The following ATCAY variants were observed in gnomAD, a reference collection of about 807,000 sequenced individuals.
ATCAY encodes caytaxin.
In ATCAY, 22 loss-of-function variants were observed where a neutral mutation model predicts 47.7. The ratio of observed to expected loss-of-function variants is 0.46; its 90% confidence interval spans 0.33 to 0.66. The LOEUF is 0.66. Ranked by LOEUF, ATCAY falls within the 30% of genes least tolerant of loss-of-function variation. ATCAY has a pLI of 0.02. For missense variants in ATCAY, 452 were observed against 515.0 expected, an observed-to-expected ratio of 0.88 and a Z score of 1.18; for synonymous variants, 216 against 207.6, an observed-to-expected ratio of 1.04 and a Z score of -0.35.
chr19:3,898,514 G>C (rs189758110), intron 2 of ATCAY, among the ~76,000 whole-genome samples: 1 of 152,312 alleles, frequency 6.6e-6, no homozygotes, highest in East Asian at 1.9e-4. Flanking sequence ...ATCACACACT[G>C]TGTGGCCTTT....
intron 2 of ATCAY, among the ~76,000 whole-genome samples, chr19:3,891,031 A>T (rs1465488243): frequency 6.7e-6 from 1 of 149,072 alleles, no homozygotes; most frequent in Non-Finnish European, 1.5e-5. Flanking sequence ...AGAGCCCTGC[A>T]TGGCCTCTGC....
chr19:3,886,694 CACTT>C (rs1387544023), intron 2 of ATCAY, among the ~76,000 whole-genome samples: 3 of 150,064 alleles, frequency 2.0e-5, no homozygotes, highest in African/African-American at 7.3e-5. Context: ...CTTTAGGAGA[CACTT>C]ACCTCCCCTA....
At chr19:3,884,016 G>A (rs1041806726) in intron 1 of ATCAY, among the ~76,000 whole-genome samples, 1 of 152,046 alleles carries the variant, frequency 6.6e-6, no homozygotes, top group Non-Finnish European at 1.5e-5. Flanking sequence ...AACTGGTGTG[G>A]GGGGTGGGGC....
At chr19:3,892,628 T>C (rs112405768) in intron 2 of ATCAY, among the ~76,000 whole-genome samples, 1 of 152,164 alleles carries the variant, frequency 6.6e-6, no homozygotes, top group African/African-American at 2.4e-5. Flanking sequence ...CCCTCAGGGC[T>C]GGGTGCGGTG....
chr19:3,915,628 T>G (rs1599145927), intron 9 of ATCAY, among the ~76,000 whole-genome samples: 1 of 148,646 alleles, frequency 6.7e-6, no homozygotes, highest in Admixed American at 6.7e-5. Context: ...CTCGGGTCAC[T>G]GCAACCTCCA....
intron 12 of ATCAY, among the ~76,000 whole-genome samples, chr19:3,921,897 A>AG (rs1457054862): frequency 6.8e-6 from 1 of 146,682 alleles, no homozygotes; most frequent in Non-Finnish European, 1.5e-5. Context: ...ACTCTGTTTA[A>AG]AAAAAAAAAA....
chr19:3,914,802 C>G (rs2038952849), intron 9 of ATCAY, among the ~76,000 whole-genome samples: 1 of 144,580 alleles, frequency 6.9e-6, no homozygotes, highest in South Asian at 2.3e-4. Context: ...GCCTGGGCAA[C>G]AAGAGTGAAA....
At chr19:3,901,814 G>A (rs1312530291) in intron 2 of ATCAY, among the ~76,000 whole-genome samples, 2 of 152,180 alleles carry the variant, frequency 1.3e-5, no homozygotes, top group East Asian at 3.9e-4. Context: ...GGCCAATATG[G>A]TGAAACCCCG....
chr19:3,900,396 C>G (rs921563251), intron 2 of ATCAY, among the ~76,000 whole-genome samples: 7 of 152,056 alleles, frequency 4.6e-5, no homozygotes, highest in Non-Finnish European at 1.0e-4. Context: ...CCATGTTGCC[C>G]AGGCTGGCCT....
rs2039051792 is a variant in ATCAY at position 3,924,696 on chromosome 19, C to A, written c.*104C>A. The A allele has an allele frequency of 3.9e-6, 5 of 1,297,828 alleles. No homozygotes were observed. Among genetic ancestry groups the A allele is most frequent in the South Asian group, 3.8e-5 (3 of 78,892 alleles). 80.4% of individuals were successfully genotyped at this position (1,297,828 alleles called of 1,614,324 possible). The stretch of plus-strand genomic sequence containing the variant: ...GATCTCATCCTGCCTCATCCTGAGT[C>A]CCAATCTTCCAAGGGTGCCAGCCCC... On this transcript the variant is annotated 3_prime_UTR_variant, in exon 13 of 13. Coordinates refer to ENST00000450849, the MANE Select transcript of ATCAY (RefSeq NM_033064.5).
At chr19:3,889,657 C>T (rs1011906063) in intron 2 of ATCAY, among the ~76,000 whole-genome samples, 6 of 152,080 alleles carry the variant, frequency 3.9e-5, no homozygotes, top group African/African-American at 1.4e-4. Context: ...AACAAAGGCG[C>T]ATAAGCTTTG....
chr19:3,885,746 C>T lies in ATCAY; in HGVS notation c.-22C>T. The stretch of plus-strand genomic sequence containing the variant: ...TTTCAGGGGTCATCCCTGCTTCAAG[C>T]CAGTGCCTCTTCCCAGCTCCCATGG... On this transcript the variant is annotated 5_prime_UTR_variant, in exon 2 of 13. Transcript: ENST00000450849. 6.5e-7 allele frequency: 1 copy of T among 1,549,580 alleles called. No individual in the cohort carries two copies. Among genetic ancestry groups the T allele is most frequent in the Non-Finnish European group, 8.7e-7 (1 of 1,145,866 alleles).
intron 9 of ATCAY, among the ~76,000 whole-genome samples, chr19:3,914,411 C>A (rs974954562): frequency 6.6e-6 from 1 of 151,876 alleles, no homozygotes; most frequent in Non-Finnish European, 1.5e-5. Context: ...CTCACTGTCG[C>A]GAGAATAGCA....
At chr19:3,895,098 T>C (rs1372449290) in intron 2 of ATCAY, 1 of 456,012 alleles carries the variant, frequency 2.2e-6, no homozygotes, top group African/African-American at 2.0e-5. Flanking sequence ...TATTTGCTTA[T>C]TGTCTTCCTT....
In ATCAY at chr19:3,913,834, C is replaced by T; in HGVS notation, c.943C>T (p.Gln315Ter). 6.2e-7 allele frequency: 1 copy of T among 1,613,722 alleles called. No homozygotes were observed. Among genetic ancestry groups the T allele is most frequent in the Non-Finnish European group, 8.5e-7 (1 of 1,179,788 alleles). The part of the protein sequence containing the change: ...LEQLIPMEHV[Q>*]IPDCVLQYEE... The stretch of plus-strand genomic sequence containing the variant: ...GCAACTCATCCCTATGGAACACGTC[C>T]AGATCCCAGACTGCGTCCTGCAGTG... Residue 315 changes from glutamine (Q) to a stop codon, truncating the protein, a stop_gained, in exon 9 of 13, where the codon CAG becomes TAG. Transcript: ENST00000450849. LOFTEE classifies it high-confidence loss of function.
intron 2 of ATCAY, among the ~76,000 whole-genome samples, chr19:3,894,215 T>C (rs1457633002): frequency 6.6e-6 from 1 of 151,796 alleles, no homozygotes; most frequent in Non-Finnish European, 1.5e-5. Flanking sequence ...CCGGGCGCGG[T>C]GGCTCACGTC....
intron 8 of ATCAY, 35 bp downstream of exon 8, chr19:3,910,924 C>A (rs1222137241): frequency 6.2e-7 from 1 of 1,606,696 alleles, no homozygotes; most frequent in Non-Finnish European, 8.5e-7. Context: ...AGTCCAGTGG[C>A]CTCAGTGTGC....
chr19:3,919,966 G>A (rs1416393083), intron 11 of ATCAY, among the ~76,000 whole-genome samples: 1 of 152,152 alleles, frequency 6.6e-6, no homozygotes, highest in Admixed American at 6.6e-5. Context: ...CATTTGTTAC[G>A]CAGCAGATGC....
At position 3,927,166 on chromosome 19, in the gene ATCAY, A is replaced by C. The variant is rs1261162701; in HGVS notation, c.*2574A>C. The C allele has an allele frequency of 6.6e-6, 1 of 152,274 alleles. No homozygotes were observed. The highest frequency in any genetic ancestry group is 1.5e-5 in the Non-Finnish European group (1 of 68,114). 9.4% of individuals were successfully genotyped at this position (152,274 alleles called of 1,614,324 possible). A position where few individuals can be genotyped will look rare whatever the true frequency, so the allele number is the denominator to read the frequency against. On this transcript the variant is annotated 3_prime_UTR_variant, in exon 13 of 13. Coordinates refer to ENST00000450849, the MANE Select transcript of ATCAY (RefSeq NM_033064.5). ...AACCCAGGAGGCAGAGATTGCAGTC[A>C]GCCGAGATTGCACCACTGCACTCCA...
Sources: gnomAD v4.1 joint callset for allele counts (sites outside exome capture counted in the v4.1 genomes callset) on GRCh38, gnomAD v4.1.1 for gene constraint, MANE v1.5 for transcripts, NCBI Gene and HGNC (gene_info 2026-07-23, HGNC 2026-07-21) for gene names.